The following RELN variants were observed in gnomAD, a reference collection of about 807,000 sequenced individuals.
RELN encodes reelin.
Under a neutral mutation model 427.6 loss-of-function variants are expected in RELN, and 108 were observed. The observed-to-expected ratio is 0.25, with a 90% CI of 0.22 to 0.30. The LOEUF (loss-of-function observed/expected upper bound fraction) is 0.30. Among genes scored for constraint, RELN ranks in the 10% least tolerant of loss-of-function variants. RELN has a pLI of 1.00. For synonymous variants in RELN, 1,524 were observed against 1,513.4 expected (o/e 1.01, Z -0.16); for missense variants, 3,715 against 4,302.8 (o/e 0.86, Z 3.82).
intron 2 of RELN, among the ~76,000 whole-genome samples, chr7:103,896,621 A>G (rs372918826): frequency 6.6e-6 from 1 of 151,998 alleles, no homozygotes; most frequent in African/African-American, 2.4e-5. Context: ...GACAGAGGAG[A>G]GATATGAGGG....
At position 103,611,696 on chromosome 7, in the gene RELN, C is replaced by G. The variant is rs756821721; in HGVS notation, c.2810G>C (p.Gly937Ala). The G allele has an allele frequency of 5.0e-6, 8 of 1,613,716 alleles. No homozygotes were observed. The highest frequency in any genetic ancestry group is 4.5e-5 in the East Asian group (2 of 44,816). ...MIQFSLVMGC[G>A]QKYTPHMDNQ... is the part of the protein sequence containing the mutation. The stretch of plus-strand genomic sequence containing the variant: ...GTCCATGTGTGGGGTGTATTTCTGG[C>G]CACATCCCATCACCAAACTGAACTG... The change falls in exon 21 of 65, where the codon GGC (glycine) becomes GCC (alanine). Residue 937 changes from glycine (G) to alanine (A), a missense_variant. By Grantham distance (60) the Gly-to-Ala change is moderately conservative (BLOSUM62 0). This residue lies in a region of RELN where 2,208 missense variants were observed against 2,361.7 expected (regional missense o/e 0.93). Coordinates refer to ENST00000428762, the MANE Select transcript of RELN (RefSeq NM_005045.4).
chr7:103,632,698 T>G (rs572903847), intron 19 of RELN, among the ~76,000 whole-genome samples: 1 of 152,300 alleles, frequency 6.6e-6, no homozygotes, highest in Non-Finnish European at 1.5e-5. Flanking sequence ...TCCTTTTGTT[T>G]GTAGGTCCTA....
chr7:103,664,129 T>C (rs1411932960), intron 11 of RELN, among the ~76,000 whole-genome samples: 2 of 152,194 alleles, frequency 1.3e-5, no homozygotes, highest in East Asian at 3.8e-4. Context: ...TCAAGAGGAC[T>C]CTGAAGCTAG....
Position 103,626,708 on chromosome 7 carries a change from T to C in RELN, c.2702+3232A>G, listed in dbSNP as rs1832337835. On this transcript the variant is annotated intron_variant, in intron 20 of 64. Transcript: ENST00000428762. The surrounding 1 kb of genome is among the most constrained non-coding windows in gnomAD (Gnocchi z 4.4). ...AGCAATTTCCTTCAAACCTGTTGTA[T>C]CTAGCTGGTTTATTAGATGGGGCAG... Among the ~76,000 whole-genome samples, 1 of 152,154 alleles carries C rather than the reference T, an allele frequency of 6.6e-6. No individual in the cohort carries two copies. The highest frequency in any genetic ancestry group is 2.4e-5 in the African/African-American group (1 of 41,448).
intron 63 of RELN, 76 bp downstream of exon 63, chr7:103,482,792 CTGAAT>C: frequency 6.2e-7 from 1 of 1,607,806 alleles, no homozygotes; most frequent in Non-Finnish European, 8.5e-7. Context: ...ACGGATCTTA[CTGAAT>C]TAAGGGTCAT....
rs576151206 is a variant in RELN, at chr7:103,812,604, C to T, written c.473+20933G>A. 2.1e-3 allele frequency among the ~76,000 whole-genome samples: 327 copies of T among 152,218 alleles called. 2 individuals carry two copies. The highest frequency in any genetic ancestry group is 3.5e-3 in the Non-Finnish European group (235 of 67,988). ...TTTATAGCTGGCTAGCACTGGATTT[C>T]CCTGGGCTGTAGTATATTTGCACAC... On this transcript the variant is annotated intron_variant, in intron 3 of 64. Transcript: ENST00000428762.
intron 2 of RELN, among the ~76,000 whole-genome samples, chr7:103,845,137 CA>C (rs34436191): frequency 0.023 from 2,861 of 127,060 alleles, 91 homozygotes; most frequent in East Asian, 0.1. Context: ...ACCGTTTTAT[CA>C]AAAAAAAATT....
At chr7:103,534,259 T>C (rs957619929) in intron 46 of RELN, among the ~76,000 whole-genome samples, 2 of 152,240 alleles carry the variant, frequency 1.3e-5, no homozygotes, top group African/African-American at 4.8e-5. Flanking sequence ...TCTTTCTTAA[T>C]GCAGCAACTG....
intron 3 of RELN, among the ~76,000 whole-genome samples, chr7:103,791,083 A>G (rs1792151130): frequency 1.3e-5 from 2 of 152,342 alleles, no homozygotes; most frequent in African/African-American, 4.8e-5. Context: ...AGACTTGTAC[A>G]TAACTACTAA....
intron 1 of RELN, among the ~76,000 whole-genome samples, chr7:103,973,521 A>T (rs76836810): frequency 6.6e-6 from 1 of 152,166 alleles, no homozygotes; most frequent in Admixed American, 6.5e-5. Flanking sequence ...ATAAAAATTC[A>T]TGAAAAAAAT....
intron 11 of RELN, among the ~76,000 whole-genome samples, chr7:103,664,099 G>A (rs1025991125): frequency 3.9e-5 from 6 of 152,172 alleles, no homozygotes; most frequent in African/African-American, 9.6e-5. Flanking sequence ...AGGGGAACAC[G>A]TATTTATAGC....
intron 61 of RELN, chr7:103,484,425 C>A (rs772277430): frequency 1.3e-5 from 2 of 159,552 alleles, no homozygotes; most frequent in Non-Finnish European, 1.4e-5. Context: ...TTGGGAGGGA[C>A]GCACATGGAG....
intron 8 of RELN, among the ~76,000 whole-genome samples, chr7:103,722,294 T>A (rs1012929774): frequency 6.6e-6 from 1 of 152,096 alleles, no homozygotes; most frequent in East Asian, 1.9e-4. Context: ...AATAGAAGAA[T>A]CCTGAGAGAA....
At chr7:103,797,041 T>C (rs1792321744) in intron 3 of RELN, among the ~76,000 whole-genome samples, 1 of 152,124 alleles carries the variant, frequency 6.6e-6, no homozygotes. Flanking sequence ...CTCCGTAAGT[T>C]CCTTTTACTC....
rs1273270158 is a variant in RELN at position 103,620,252 on chromosome 7, G to A, written c.2703-8449C>T. Among the ~76,000 whole-genome samples the A allele has an allele frequency of 1.3e-5, 2 of 152,064 alleles. No homozygotes were observed. Among genetic ancestry groups the A allele is most frequent in the Non-Finnish European group, 2.9e-5 (2 of 68,012 alleles). ...TTTTGCCTTCTGCCATGATTGTGAG[G>A]CCTCCTCAGTCACGTGGAACTGTGA... On this transcript the variant is annotated intron_variant, in intron 20 of 64. Transcript: ENST00000428762. The surrounding 1 kb of genome is among the most constrained non-coding windows in gnomAD (Gnocchi z 4.1).
chr7:103,711,385 T>C (rs555804760), intron 8 of RELN, among the ~76,000 whole-genome samples: 3 of 152,264 alleles, frequency 2.0e-5, no homozygotes, highest in Admixed American at 2.0e-4. Context: ...CTGCACTACA[T>C]TCCTACATTT....
chr7:103,580,482 C>A (rs1831104789), intron 28 of RELN, among the ~76,000 whole-genome samples: 1 of 152,176 alleles, frequency 6.6e-6, no homozygotes, highest in African/African-American at 2.4e-5. Flanking sequence ...CTTTGTGATG[C>A]TAAGGACAAT....
chr7:103,905,430 T>C (rs1288050535), intron 2 of RELN, among the ~76,000 whole-genome samples: 2 of 152,182 alleles, frequency 1.3e-5, no homozygotes, highest in Non-Finnish European at 2.9e-5. Flanking sequence ...TATATTTGTA[T>C]AGTTTTAAAT....
intron 2 of RELN, among the ~76,000 whole-genome samples, chr7:103,879,779 GC>G (rs1386031069): frequency 6.6e-6 from 1 of 152,126 alleles, no homozygotes; most frequent in African/African-American, 2.4e-5. Flanking sequence ...TTTCCCACAG[GC>G]CAGTTTTCTT....
Sources: allele counts gnomAD v4.1 joint callset (sites outside exome capture counted in the v4.1 genomes callset), GRCh38; gene constraint gnomAD v4.1.1; regional missense constraint gnomAD v4.1.1; non-coding constraint Gnocchi (gnomAD v3.1); transcripts MANE v1.5; gene names NCBI Gene and HGNC (gene_info 2026-07-23, HGNC 2026-07-21).